Variants in DLGAP1 observed in about 807,000 individuals in gnomAD.
DLGAP1 encodes the protein disks large-associated protein 1.
DLGAP1 carries 11 observed loss-of-function variants against 90.8 expected under a neutral mutation model. The ratio of observed to expected loss-of-function variants is 0.12; its 90% confidence interval spans 0.08 to 0.20. The LOEUF (loss-of-function observed/expected upper bound fraction) is 0.20. DLGAP1 is among the 10% of genes least tolerant of loss of function. The pLI, the probability that DLGAP1 is intolerant of heterozygous loss-of-function variation, is 1.00. For synonymous variants in DLGAP1, 558 were observed against 540.7 expected, an observed-to-expected ratio of 1.03 and a Z score of -0.44; for missense variants, 1,050 against 1,333.8, an observed-to-expected ratio of 0.79 and a Z score of 3.31.
At chr18:4,066,094 A>C (rs763485121) in intron 2 of DLGAP1, among the ~76,000 whole-genome samples, 5 of 152,174 alleles carry the variant, frequency 3.3e-5, no homozygotes, top group Non-Finnish European at 1.5e-5. Context: ...GTGTTGGGAT[A>C]ACTGGCTAGC....
chr18:3,578,360 A>ATTT (rs750251974), intron 8 of DLGAP1, among the ~76,000 whole-genome samples: 1 of 143,582 alleles, frequency 7.0e-6, no homozygotes, highest in Non-Finnish European at 1.5e-5. Flanking sequence ...TGCGTCTTTA[A>ATTT]TTTTTTTTTT....
intron 9 of DLGAP1, 95 bp from the exon 10 acceptor site, chr18:3,534,710 T>G: frequency 9.3e-7 from 1 of 1,072,258 alleles, no homozygotes; most frequent in Non-Finnish European, 1.3e-6. Flanking sequence ...TTTTTTTTTT[T>G]GACAGAGTCT....
chr18:3,978,040 G>A (rs2073636116), intron 3 of DLGAP1: 2 of 381,252 alleles, frequency 5.2e-6, no homozygotes, highest in African/African-American at 2.1e-5. Flanking sequence ...CCCCGTGGCT[G>A]TCATGCCAGT....
chr18:4,245,048 T>C (rs2145154468), intron 1 of DLGAP1, among the ~76,000 whole-genome samples: 1 of 152,316 alleles, frequency 6.6e-6, no homozygotes, highest in South Asian at 2.1e-4. Context: ...AGTGATCTTA[T>C]ATTAGCAATT....
intron 7 of DLGAP1, among the ~76,000 whole-genome samples, chr18:3,658,745 A>C (rs1599761738): frequency 6.6e-6 from 1 of 152,332 alleles, no homozygotes. Flanking sequence ...TAGAATTCTT[A>C]TATACATCAG....
At chr18:4,103,178 G>C (rs574163271) in intron 2 of DLGAP1, among the ~76,000 whole-genome samples, 5 of 151,850 alleles carry the variant, frequency 3.3e-5, no homozygotes, top group African/African-American at 1.2e-4. Flanking sequence ...TCCTCTTTTA[G>C]ATACATTTTT....
chr18:3,564,873 C>A (rs1170598496), intron 9 of DLGAP1, among the ~76,000 whole-genome samples: 1 of 152,154 alleles, frequency 6.6e-6, no homozygotes, highest in Non-Finnish European at 1.5e-5. Flanking sequence ...AAGAGATATA[C>A]AAAGAGATGT....
At chr18:3,784,307 CT>C (rs996219444) in intron 5 of DLGAP1, among the ~76,000 whole-genome samples, 4 of 152,142 alleles carry the variant, frequency 2.6e-5, no homozygotes, top group Middle Eastern at 3.2e-3. Flanking sequence ...TGGACCCCCC[CT>C]AGTTGTTGGG....
intron 2 of DLGAP1, among the ~76,000 whole-genome samples, chr18:4,108,716 A>G (rs2075916012): frequency 6.6e-6 from 1 of 152,216 alleles, no homozygotes; most frequent in South Asian, 2.1e-4. Flanking sequence ...TTTAGGCAGC[A>G]TTTAATAAAG....
intron 4 of DLGAP1, among the ~76,000 whole-genome samples, chr18:3,836,919 A>G (rs748698439): frequency 1.3e-5 from 2 of 152,190 alleles, no homozygotes; most frequent in Non-Finnish European, 2.9e-5. Flanking sequence ...GCAGTCTGTA[A>G]AAGTGATAAA....
At chr18:4,202,465 C>T (rs891099217) in intron 1 of DLGAP1, among the ~76,000 whole-genome samples, 3 of 152,120 alleles carry the variant, frequency 2.0e-5, no homozygotes, top group Non-Finnish European at 4.4e-5. Context: ...CCCAAAACCC[C>T]TTGTACCCCT....
In DLGAP1 at chr18:4,165,967, G is replaced by C. The variant is rs1375441598; in HGVS notation, c.-266-14680C>G. Among the ~76,000 whole-genome samples, 2 of 152,066 alleles carry C rather than the reference G, an allele frequency of 1.3e-5. 1 individual carries two copies. The highest frequency in any genetic ancestry group is 4.8e-5 in the African/African-American group (2 of 41,398). On this transcript the variant is annotated intron_variant, in intron 1 of 12. Transcript: ENST00000315677. ...AGGACAGAAGTTCAAGACCAGCCCT[G>C]AACAATGTAGTGAGACCCTGTCTAT...
chr18:3,962,495 T>C (rs1204569625), intron 3 of DLGAP1: 3 of 152,218 alleles, frequency 2.0e-5, no homozygotes, highest in African/African-American at 7.2e-5. Flanking sequence ...TATTTATTTA[T>C]ATGTAAATAT....
chr18:4,143,597 T>C (rs2076531941), intron 2 of DLGAP1, among the ~76,000 whole-genome samples: 1 of 151,900 alleles, frequency 6.6e-6, no homozygotes, highest in Admixed American at 6.6e-5. Flanking sequence ...GCCTGCTTGG[T>C]GCTCTACTCC....
intron 7 of DLGAP1, among the ~76,000 whole-genome samples, chr18:3,661,840 C>T (rs2146607746): frequency 6.6e-6 from 1 of 152,082 alleles, no homozygotes; most frequent in Non-Finnish European, 1.5e-5. Context: ...TCTTGGCCTC[C>T]CAAAGTGCTA....
intron 1 of DLGAP1, among the ~76,000 whole-genome samples, chr18:4,153,999 C>T (rs994448849): frequency 6.6e-6 from 1 of 152,148 alleles, no homozygotes; most frequent in Non-Finnish European, 1.5e-5. Context: ...AACAAGAACT[C>T]TCTCAACTCA....
intron 10 of DLGAP1, among the ~76,000 whole-genome samples, chr18:3,521,584 T>C (rs1475440420): frequency 6.6e-6 from 1 of 152,202 alleles, no homozygotes; most frequent in African/African-American, 2.4e-5. Flanking sequence ...CTCATCCTTA[T>C]GATTCAGCTT....
chr18:4,053,993 T>C (rs2075175916), intron 2 of DLGAP1, among the ~76,000 whole-genome samples: 2 of 152,236 alleles, frequency 1.3e-5, no homozygotes, highest in Non-Finnish European at 2.9e-5. Flanking sequence ...ACTGGTCTTA[T>C]AACTCTTTAA....
At position 4,220,206 on chromosome 18, in the gene DLGAP1, C is replaced by T. The variant is rs376191006; in HGVS notation, c.-266-68919G>A. On this transcript the variant is annotated intron_variant, in intron 1 of 12. Coordinates refer to ENST00000315677, the MANE Select transcript of DLGAP1 (RefSeq NM_004746.4). The stretch of plus-strand genomic sequence containing the variant: ...TTCACCTCCTTGGGTAAATTTACCC[C>T]TAAGTATTTTGTATGCTGTTTTGAA... 5.9e-5 allele frequency among the ~76,000 whole-genome samples: 9 copies of T among 152,076 alleles called. No homozygotes were observed. The East Asian group carries it at 1.7e-3, about 29-fold the overall frequency.
Sources: gnomAD v4.1 joint callset for allele counts (sites outside exome capture counted in the v4.1 genomes callset) on GRCh38, gnomAD v4.1.1 for gene constraint, MANE v1.5 for transcripts, NCBI Gene and HGNC (gene_info 2026-07-23, HGNC 2026-07-21) for gene names.